The following PTCHD4 variants were observed in gnomAD, a reference collection of about 807,000 sequenced individuals.
The protein encoded by PTCHD4 is patched domain-containing protein 4.
PTCHD4 carries 33 observed loss-of-function variants against 58.1 expected under a neutral mutation model. That is an observed-to-expected ratio of 0.57 (90% CI 0.43 to 0.76). The LOEUF is 0.76. PTCHD4 is among the 30% of genes least tolerant of loss of function. PTCHD4 has a pLI of 0.00. For synonymous variants in PTCHD4, 478 were observed against 409.6 expected, an observed-to-expected ratio of 1.17 and a Z score of -2.02; for missense variants, 1,058 against 1,027.1, an observed-to-expected ratio of 1.03 and a Z score of -0.41.
At position 48,027,617 on chromosome 6, in the gene PTCHD4, T is replaced by C. The variant is rs546487274; in HGVS notation, c.418-18503A>G. ...ATTTCTAACATAAACTACTGGAACA[T>C]TCATTAATGAATATAAATTAAAGTT... On this transcript the variant is annotated intron_variant, in intron 3 of 4. Transcript: ENST00000339488. Among the ~76,000 whole-genome samples, 4 of 152,278 alleles carry C rather than the reference T, an allele frequency of 2.6e-5. No individual in the cohort carries two copies. In the East Asian group the frequency reaches 5.8e-4, roughly 22 times the overall value.
chr6:47,974,106 G>A (rs1371066166), intron 4 of PTCHD4, among the ~76,000 whole-genome samples: 4 of 152,102 alleles, frequency 2.6e-5, no homozygotes, highest in Non-Finnish European at 4.4e-5. Flanking sequence ...GAAGAAGACG[G>A]GAATGAGTAC....
intron 4 of PTCHD4, among the ~76,000 whole-genome samples, chr6:47,915,577 T>TTTC (rs1214370322): frequency 2.0e-5 from 3 of 151,768 alleles, no homozygotes; most frequent in Admixed American, 1.3e-4. Context: ...ACAGATTTTT[T>TTTC]TTTTTTTTTG....
At chr6:48,096,804 T>C (rs1765479977) in intron 1 of PTCHD4, among the ~76,000 whole-genome samples, 1 of 152,038 alleles carries the variant, frequency 6.6e-6, no homozygotes, top group African/African-American at 2.4e-5. Flanking sequence ...TTGAAGTATA[T>C]AATCAATACA....
In PTCHD4 at chr6:48,086,925, C is replaced by T. The variant is rs965109303; in HGVS notation, c.-969-16999G>A. Among the ~76,000 whole-genome samples, 5 of 151,976 alleles carry T rather than the reference C, an allele frequency of 3.3e-5. No individual in the cohort carries two copies. In the East Asian group the frequency reaches 7.7e-4, roughly 23 times the overall value. On this transcript the variant is annotated intron_variant, in intron 1 of 4. Coordinates refer to ENST00000339488, the MANE Select transcript of PTCHD4 (RefSeq NM_001384253.1). Reference sequence around the variant, plus strand: ...AAATGGGTGAATAAGAATCTTTTCACGTTAATAATGCCTTTAGTTACTATT... The same window carrying T: ...AAATGGGTGAATAAGAATCTTTTCATGTTAATAATGCCTTTAGTTACTATT...
At chr6:47,926,180 A>G (rs1011690716) in intron 4 of PTCHD4, among the ~76,000 whole-genome samples, 1 of 152,190 alleles carries the variant, frequency 6.6e-6, no homozygotes, top group African/African-American at 2.4e-5. Flanking sequence ...GGAGATGAGG[A>G]GCAAAGGTGA....
In PTCHD4 at chr6:47,863,527, C is replaced by A. The variant is rs975445262; in HGVS notation, c.*14776G>T. On this transcript the variant is annotated 3_prime_UTR_variant, in exon 5 of 5. Transcript: ENST00000339488. ...TTTAGCAAGTAAAAATGCAATATGC[C>A]CAGTTAAATTTGAATTTCAGAGAAA... is the stretch of plus-strand genomic sequence containing the variant. Among the ~76,000 whole-genome samples the A allele has an allele frequency of 4.6e-5, 7 of 151,914 alleles. No individual in the cohort carries two copies. In the East Asian group the frequency reaches 1.4e-3, roughly 30 times the overall value.
intron 4 of PTCHD4, among the ~76,000 whole-genome samples, chr6:47,997,875 C>G (rs1199893937): frequency 6.6e-6 from 1 of 152,182 alleles, no homozygotes. Context: ...TCTTATCTTT[C>G]TCTGCCAATT....
At chr6:47,893,749 T>C (rs1400805951) in intron 4 of PTCHD4, among the ~76,000 whole-genome samples, 1 of 152,212 alleles carries the variant, frequency 6.6e-6, no homozygotes, top group Non-Finnish European at 1.5e-5. Flanking sequence ...AGTAATATTA[T>C]ATAGTTGTAG....
chr6:48,024,554 G>A (rs1241042125), intron 3 of PTCHD4, among the ~76,000 whole-genome samples: 1 of 151,970 alleles, frequency 6.6e-6, no homozygotes, highest in Non-Finnish European at 1.5e-5. Flanking sequence ...TCATTGTGAA[G>A]GTAAATTTGC....
chr6:47,991,312 T>C (rs946996516), intron 4 of PTCHD4, among the ~76,000 whole-genome samples: 4 of 152,014 alleles, frequency 2.6e-5, no homozygotes, highest in African/African-American at 9.7e-5. Context: ...GACAATGCGA[T>C]AAAGATGATA....
Position 48,064,380 on chromosome 6 carries a change from A to C in PTCHD4, c.417+3850T>G, listed in dbSNP as rs531058749. Among the ~76,000 whole-genome samples, 28 of 152,264 alleles carry C rather than the reference A, an allele frequency of 1.8e-4. No individual in the cohort carries two copies. In the South Asian group the frequency reaches 5.8e-3, roughly 32 times the overall value. Reference sequence around the variant, plus strand: ...ACCTGTAAACACCTGACCTCCTTGAATGATAATGAAAACATTTCTTAGAGT... The same window carrying C: ...ACCTGTAAACACCTGACCTCCTTGACTGATAATGAAAACATTTCTTAGAGT... On this transcript the variant is annotated intron_variant, in intron 3 of 4. Coordinates refer to ENST00000339488, the MANE Select transcript of PTCHD4 (RefSeq NM_001384253.1).
rs369002534 is a variant in PTCHD4, at chr6:48,009,055, G to C, written c.477C>G (p.Ser159Arg). The C allele has an allele frequency of 6.2e-7, 1 of 1,613,844 alleles. No individual in the cohort carries two copies. Among genetic ancestry groups the C allele is most frequent in the Non-Finnish European group, 8.5e-7 (1 of 1,179,842 alleles). Reference sequence around the variant, plus strand: ...TGGCTGACTTGACCCGCTGATCTTTGCTGTTTGGCACTTCCACTACCCCGC... The same window carrying C: ...TGGCTGACTTGACCCGCTGATCTTTCCTGTTTGGCACTTCCACTACCCCGC... ...QLGGVVEVPN[S>R]KDQRVKSARA... The change falls in exon 4 of 5, where the codon AGC (serine) becomes AGG (arginine). Residue 159 changes from serine to arginine, a missense_variant. By Grantham distance (110) the Ser-to-Arg change is moderately radical. Transcript: ENST00000339488.
intron 3 of PTCHD4, among the ~76,000 whole-genome samples, chr6:48,023,560 C>T (rs1261605146): frequency 1.3e-5 from 2 of 152,084 alleles, no homozygotes; most frequent in East Asian, 3.9e-4. Flanking sequence ...AAATATCCCT[C>T]CTAATTGTAT....
intron 4 of PTCHD4, among the ~76,000 whole-genome samples, chr6:47,995,819 G>T (rs1768465139): frequency 6.6e-6 from 1 of 152,096 alleles, no homozygotes; most frequent in Non-Finnish European, 1.5e-5. Flanking sequence ...ATGACTCCAG[G>T]AAGTACATGG....
chr6:48,081,255 A>C (rs1371405190), intron 1 of PTCHD4, among the ~76,000 whole-genome samples: 1 of 152,240 alleles, frequency 6.6e-6, no homozygotes, highest in African/African-American at 2.4e-5. Context: ...GTGTACATTA[A>C]AAGCGGGCAG....
At chr6:47,911,381 T>TC (rs1561952801) in intron 4 of PTCHD4, among the ~76,000 whole-genome samples, 1 of 152,142 alleles carries the variant, frequency 6.6e-6, no homozygotes, top group Non-Finnish European at 1.5e-5. Context: ...ACTTTCTCCC[T>TC]CAAGCACTAA....
chr6:48,008,337 C>T (rs939676972), intron 4 of PTCHD4, among the ~76,000 whole-genome samples: 3 of 152,166 alleles, frequency 2.0e-5, no homozygotes, highest in Admixed American at 6.5e-5. Context: ...CTCCTTAACT[C>T]GGTCTCTCAT....
chr6:47,996,680 A>G (rs756589096), intron 4 of PTCHD4, among the ~76,000 whole-genome samples: 8 of 152,206 alleles, frequency 5.3e-5, no homozygotes, highest in Non-Finnish European at 1.0e-4. Context: ...CCTCTTGGCA[A>G]ATAAGGAATC....
intron 4 of PTCHD4, among the ~76,000 whole-genome samples, chr6:47,986,992 C>CT (rs199730656): frequency 0.021 from 3,161 of 151,678 alleles, 104 homozygotes; most frequent in African/African-American, 0.069. Flanking sequence ...GTGGCAAAAC[C>CT]TTTTTTTTGA....
Sources: allele counts gnomAD v4.1 joint callset (sites outside exome capture counted in the v4.1 genomes callset), GRCh38; gene constraint gnomAD v4.1.1; transcripts MANE v1.5; gene names NCBI Gene and HGNC (gene_info 2026-07-23, HGNC 2026-07-21).